SLC38A10: variants seen among roughly 807,000 people sequenced by gnomAD.
SLC38A10 encodes the protein Sodium-coupled neutral amino acid transporter 10.
A neutral mutation model predicts 81.0 loss-of-function variants in SLC38A10; 53 were observed. That is an observed-to-expected ratio of 0.65 (90% CI 0.53 to 0.82). The LOEUF is 0.82. SLC38A10 is among the 40% of genes least tolerant of loss of function. SLC38A10 has a pLI of 0.00. For missense variants in SLC38A10, 1,471 were observed against 1,545.0 expected, an observed-to-expected ratio of 0.95 and a Z score of 0.80; for synonymous variants, 665 against 655.3, an observed-to-expected ratio of 1.01 and a Z score of -0.23.
In SLC38A10 at chr17:81,276,075, A is replaced by C. The variant is rs776075326; in HGVS notation, c.806T>G (p.Val269Gly). The C allele has an allele frequency of 6.2e-7, 1 of 1,613,928 alleles. No individual in the cohort carries two copies. Among genetic ancestry groups the C allele is most frequent in the Non-Finnish European group, 8.5e-7 (1 of 1,180,000 alleles). Residue 269 changes from valine (V) to glycine (G), a missense_variant, in exon 8 of 16, where the codon GTG (valine) becomes GGG (glycine). Physicochemically the swap from Val to Gly is moderately radical, Grantham distance 109. This residue lies in a region of SLC38A10 where 720 missense variants were observed against 827.7 expected (regional missense o/e 0.87). Coordinates refer to ENST00000374759, the MANE Select transcript of SLC38A10 (RefSeq NM_001037984.3). The surrounding 1 kb of genome is among the most constrained non-coding windows in gnomAD (Gnocchi z 4.7). ...GAAGCCCACACGGAGCATCTCCGTCACCAGGTTGGAGGGAAAGTGCATGAG... is the reference window on the plus strand; with the variant it reads ...GAAGCCCACACGGAGCATCTCCGTCCCCAGGTTGGAGGGAAAGTGCATGAG... ...NVLMHFPSNLVTEMLRVGFMM... is the reference protein window; with the variant it reads ...NVLMHFPSNLGTEMLRVGFMM...
Position 81,246,385 on chromosome 17 carries a change from G to C in SLC38A10, c.2531C>G (p.Ala844Gly), listed in dbSNP as rs1160072242. 1.2e-6 allele frequency: 2 copies of C among 1,600,418 alleles called. No individual in the cohort carries two copies. The highest frequency in any genetic ancestry group is 1.7e-6 in the Non-Finnish European group (2 of 1,175,598). The change falls in exon 16 of 16, where the codon GCA (alanine) becomes GGA (glycine). Residue 844 changes from alanine (A) to glycine (G), a missense_variant. Ala to Gly is a moderately conservative substitution (Grantham distance 60). Around this residue, in one of 2 missense-constraint regions of SLC38A10, gnomAD observed 751 missense variants for 717.4 expected, o/e 1.05. Transcript: ENST00000374759. ...RDGQKDAAPR[A>G]AGTVKELPKG... The stretch of plus-strand genomic sequence containing the variant: ...GGGGAGCTCCTTCACAGTGCCAGCT[G>C]CCCTGGGGGCGGCATCCTTCTGGCC...
rs1310528207 is a variant in SLC38A10 at position 81,270,316 on chromosome 17, G to A, written c.1131+602C>T. Among the ~76,000 whole-genome samples the A allele has an allele frequency of 6.6e-6, 1 of 152,182 alleles. No individual in the cohort carries two copies. The highest frequency in any genetic ancestry group is 6.5e-5 in the Admixed American group (1 of 15,278). On this transcript the variant is annotated intron_variant, in intron 10 of 15. Coordinates refer to ENST00000374759, the MANE Select transcript of SLC38A10 (RefSeq NM_001037984.3). This position sits in a 1 kb window ranked among gnomAD's most constrained non-coding sequence, Gnocchi z 4.0. ...ATGCTCATGAACACAGATATTCATC[G>A]CGATTCTGTCTGCAATAGCAAGACT...
chr17:81,289,240 C>A lies in SLC38A10; in HGVS notation c.217+451G>T, dbSNP rs551980021. 6.6e-6 allele frequency among the ~76,000 whole-genome samples: 1 copy of A among 152,264 alleles called. No individual in the cohort carries two copies. Among genetic ancestry groups the A allele is most frequent in the African/African-American group, 2.4e-5 (1 of 41,548 alleles). On this transcript the variant is annotated intron_variant, in intron 2 of 15. Coordinates refer to ENST00000374759, the MANE Select transcript of SLC38A10 (RefSeq NM_001037984.3). The surrounding 1 kb of genome is among the most constrained non-coding windows in gnomAD (Gnocchi z 5.9). ...TATTTCTGGTAGAGATGGGGTTTCA[C>A]CATGTTGTCCAGGCTCGTCTCGAAC...
chr17:81,253,226 C>T lies in SLC38A10; in HGVS notation c.1303G>A (p.Val435Met). 6.2e-7 allele frequency: 1 copy of T among 1,613,744 alleles called. No homozygotes were observed. The highest frequency in any genetic ancestry group is 8.5e-7 in the Non-Finnish European group (1 of 1,180,020). Residue 435 changes from valine (V) to methionine (M), a missense_variant, in exon 12 of 16, where the codon GTG (valine) becomes ATG (methionine). By Grantham distance (21) the Val-to-Met change is conservative (BLOSUM62 1). Coordinates refer to ENST00000374759, the MANE Select transcript of SLC38A10 (RefSeq NM_001037984.3). This position sits in a 1 kb window ranked among gnomAD's most constrained non-coding sequence, Gnocchi z 4.1. ...TCCCGGCCATCCTCAGCCACGGCCA[C>T]AACCGGATCCTGGGCTGGGAGCAGG... Reference protein sequence around the residue: ...AARLSAQDPVVAVAEDGREKP... With the variant: ...AARLSAQDPVMAVAEDGREKP...
intron 12 of SLC38A10, among the ~76,000 whole-genome samples, 193 bp from the exon 13 acceptor site, chr17:81,252,876 C>A (rs2062932854): frequency 6.6e-6 from 1 of 152,212 alleles, no homozygotes; most frequent in Non-Finnish European, 1.5e-5. Context: ...GGGGCAGCTG[C>A]AAACAAGTTG....
At position 81,253,841 on chromosome 17, in the gene SLC38A10, TCAC is replaced by T. The variant is rs200242135; in HGVS notation, c.1289-604_1289-602del. On this transcript the variant is annotated intron_variant, in intron 11 of 15. Transcript: ENST00000374759. This position sits in a 1 kb window ranked among gnomAD's most constrained non-coding sequence, Gnocchi z 4.1. ...ACCATCATCACCATCACCGCTATCA[TCAC>T]CACCATCTCCATCCCTACCACCATC... Among the ~76,000 whole-genome samples, 83 of 149,324 alleles carry T rather than the reference TCAC, an allele frequency of 5.6e-4. No individual in the cohort carries two copies. The East Asian group carries it at 7.2e-3, about 13-fold the overall frequency.
intron 11 of SLC38A10, among the ~76,000 whole-genome samples, chr17:81,255,310 A>G (rs1040731518): frequency 6.6e-6 from 1 of 152,268 alleles, no homozygotes; most frequent in Admixed American, 6.5e-5. Context: ...CAATGCACAC[A>G]GCCTTCTCCA....
intron 3 of SLC38A10, 86 bp downstream of exon 3, chr17:81,284,764 G>T: frequency 1.9e-6 from 2 of 1,067,408 alleles, no homozygotes; most frequent in East Asian, 3.0e-5. Flanking sequence ...GTGAATCTGG[G>T]GATGAAACTG....
intron 11 of SLC38A10, among the ~76,000 whole-genome samples, chr17:81,257,496 C>T (rs550605418): frequency 6.6e-6 from 1 of 152,332 alleles, no homozygotes; most frequent in East Asian, 1.9e-4. Flanking sequence ...TGGCAGGGAG[C>T]TGATTCCATT....
In SLC38A10 at chr17:81,270,888, C is replaced by A. The variant is rs367959594; in HGVS notation, c.1131+30G>T. ...TCCCCAGCCCAGACCCATCAGCCCT[C>A]GTCCAGGCCACCCCACGAGCAGCAC... On this transcript the variant is annotated intron_variant, in intron 10 of 15. Coordinates refer to ENST00000374759, the MANE Select transcript of SLC38A10 (RefSeq NM_001037984.3). This position sits in a 1 kb window ranked among gnomAD's most constrained non-coding sequence, Gnocchi z 4.0. The A allele has an allele frequency of 5.6e-6, 9 of 1,601,200 alleles. No individual in the cohort carries two copies. The highest frequency in any genetic ancestry group is 2.7e-5 in the African/African-American group (2 of 74,572).
chr17:81,266,385 C>T (rs963144027), intron 10 of SLC38A10, among the ~76,000 whole-genome samples: 14 of 152,182 alleles, frequency 9.2e-5, no homozygotes, highest in African/African-American at 3.1e-4. Context: ...TTTGGGAGGC[C>T]GAGGCGGGCG....
chr17:81,279,999 C>T (rs745799244), intron 6 of SLC38A10: 46 of 351,612 alleles, frequency 1.3e-4, no homozygotes, highest in Non-Finnish European at 2.3e-4. Flanking sequence ...CTGCCAGCCC[C>T]CCGCATGCCG....
rs762563341 is a variant in SLC38A10, at chr17:81,284,841, G to A, written c.263+9C>T. On this transcript the variant is annotated intron_variant, in intron 3 of 15. Transcript: ENST00000374759. ...TGGGGGGCAAGCGCAGCGGCAGGGC[G>A]GGGCTTACCTGGTCTCCACCAGCAT... 2.1e-5 allele frequency: 33 copies of A among 1,537,834 alleles called. 1 individual carries two copies. The highest frequency in any genetic ancestry group is 1.8e-4 in the East Asian group (7 of 39,818).
rs1443231068 is a variant in SLC38A10, at chr17:81,246,879, G to T, written c.2242+6C>A. 1.9e-6 allele frequency: 3 copies of T among 1,583,290 alleles called. No individual in the cohort carries two copies. Among genetic ancestry groups the T allele is most frequent in the Non-Finnish European group, 8.6e-7 (1 of 1,161,896 alleles). On this transcript the variant is annotated splice_donor_region_variant and intron_variant, in intron 15 of 15. Transcript: ENST00000374759. ...CCACCCCACTCCATCCGCCAGCCCGGCCTACCCTGCCTGGGTTTATCCTCC... is the reference window on the plus strand; with the variant it reads ...CCACCCCACTCCATCCGCCAGCCCGTCCTACCCTGCCTGGGTTTATCCTCC...
Position 81,265,587 on chromosome 17 carries a change from T to C in SLC38A10, c.1132-5193A>G, listed in dbSNP as rs767972339. Among the ~76,000 whole-genome samples the C allele has an allele frequency of 2.6e-5, 4 of 152,166 alleles. No homozygotes were observed. The highest frequency in any genetic ancestry group is 6.5e-5 in the Admixed American group (1 of 15,290). On this transcript the variant is annotated intron_variant, in intron 10 of 15. Coordinates refer to ENST00000374759, the MANE Select transcript of SLC38A10 (RefSeq NM_001037984.3). This position sits in a 1 kb window ranked among gnomAD's most constrained non-coding sequence, Gnocchi z 4.2. ...CCTGTCCACCCCAGCATATCACCAG[T>C]TGTGGCTCTTCCTGAGGTCCCTGGG...
rs553591087 is a variant in SLC38A10, at chr17:81,276,710, G to A, written c.729+321C>T. Among the ~76,000 whole-genome samples, 1 of 152,322 alleles carries A rather than the reference G, an allele frequency of 6.6e-6. No homozygotes were observed. The highest frequency in any genetic ancestry group is 2.1e-4 in the South Asian group (1 of 4,826). On this transcript the variant is annotated intron_variant, in intron 7 of 15. Transcript: ENST00000374759. The surrounding 1 kb of genome is among the most constrained non-coding windows in gnomAD (Gnocchi z 4.7). ...CGGCCGGAACATGCCCATTTCTACA[G>A]AGAATTAACAGAGGTCTTGGAGAGA...
Position 81,283,338 on chromosome 17 carries a change from G to C in SLC38A10, c.357+71C>G. On this transcript the variant is annotated intron_variant, in intron 4 of 15. Coordinates refer to ENST00000374759, the MANE Select transcript of SLC38A10 (RefSeq NM_001037984.3). The surrounding 1 kb of genome is among the most constrained non-coding windows in gnomAD (Gnocchi z 4.7). ...CCAGCACCCAGGTCTCGGTCCTCGGGAGGATCCCACAGAGGGCCTCAGAGC... is the reference window on the plus strand; with the variant it reads ...CCAGCACCCAGGTCTCGGTCCTCGGCAGGATCCCACAGAGGGCCTCAGAGC... 1 of 1,405,082 alleles carries C rather than the reference G, an allele frequency of 7.1e-7. No homozygotes were observed. Among genetic ancestry groups the C allele is most frequent in the Non-Finnish European group, 9.9e-7 (1 of 1,009,654 alleles). The allele number at this position is 1,405,082 out of a possible 1,614,324, so 87.0% of individuals were successfully genotyped here. A position where few individuals can be genotyped will look rare whatever the true frequency, so the allele number is the denominator to read the frequency against.
At chr17:81,259,783 C>T (rs905339169) in intron 11 of SLC38A10, among the ~76,000 whole-genome samples, 1 of 152,228 alleles carries the variant, frequency 6.6e-6, no homozygotes, top group Non-Finnish European at 1.5e-5. Context: ...CCTGAGGGCT[C>T]ATGGTCCTAA....
In SLC38A10 at chr17:81,245,489, G is replaced by A. The variant is rs914384739; in HGVS notation, c.*67C>T. 23 of 1,513,384 alleles carry A rather than the reference G, an allele frequency of 1.5e-5. No individual in the cohort carries two copies. The highest frequency in any genetic ancestry group is 4.2e-5 in the African/African-American group (3 of 72,170). 93.7% of individuals were successfully genotyped at this position (1,513,384 alleles called of 1,614,324 possible). On this transcript the variant is annotated 3_prime_UTR_variant, in exon 16 of 16. Coordinates refer to ENST00000374759, the MANE Select transcript of SLC38A10 (RefSeq NM_001037984.3). Reference sequence around the variant, plus strand: ...GACCTCCAGAGTTTGGCTGGGATGCGGCTGAGACAGACCTGCTGCTGGCCG... The same window carrying A: ...GACCTCCAGAGTTTGGCTGGGATGCAGCTGAGACAGACCTGCTGCTGGCCG...
Sources: allele counts gnomAD v4.1 joint callset (sites outside exome capture counted in the v4.1 genomes callset), GRCh38; gene constraint gnomAD v4.1.1; regional missense constraint gnomAD v4.1.1; non-coding constraint Gnocchi (gnomAD v3.1); transcripts MANE v1.5; gene names NCBI Gene and HGNC (gene_info 2026-07-23, HGNC 2026-07-21).